The following GNAS variants were observed in gnomAD, a reference collection of about 807,000 sequenced individuals.
GNAS encodes the protein GNAS complex locus, also known as protein ALEX.
Under a neutral mutation model 54.5 loss-of-function variants are expected in GNAS, and 8 were observed. That is an observed-to-expected ratio of 0.15 (90% CI 0.09 to 0.26). GNAS has a LOEUF of 0.26. Ranked by LOEUF, GNAS falls within the 10% of genes least tolerant of loss-of-function variation. The pLI is 1.00. For missense variants in GNAS, 170 were observed against 529.8 expected (o/e 0.32, Z 6.67); for synonymous variants, 204 against 191.4 (o/e 1.07, Z -0.54).
At chr20:58,891,129 G>C (rs2089206956), upstream of GNAS, among the ~76,000 whole-genome samples, 8 of 148,842 alleles carry the variant, frequency 5.4e-5, no homozygotes, top group South Asian at 1.7e-3. Flanking sequence ...CCGAGCCCGG[G>C]GGGTGGGGGG....
chr20:58,911,166 A>AAAT lies in GNAS; in HGVS notation c.*340_*342dup, dbSNP rs1182917084. 1.8e-5 allele frequency: 9 copies of AAAT among 494,592 alleles called. No homozygotes were observed. The highest frequency in any genetic ancestry group is 3.4e-5 in the Non-Finnish European group (9 of 265,956). 30.6% of individuals were successfully genotyped at this position (494,592 alleles called of 1,614,324 possible). A position where few individuals can be genotyped will look rare whatever the true frequency, so the allele number is the denominator to read the frequency against. ...TGTTGTGCAGCATTAAAAAAAATCA[A>AAAT]AATAAAAATTAAATGTGAGCAAAGA... On this transcript the variant is annotated 3_prime_UTR_variant, in exon 13 of 13. Coordinates refer to ENST00000371085, the MANE Select transcript of GNAS (RefSeq NM_000516.7).
intron 3 of GNAS, chr20:58,900,197 A>G (rs2090480699): frequency 2.7e-5 from 15 of 562,356 alleles, no homozygotes; most frequent in Non-Finnish European, 4.7e-5. Context: ...CATCTCTATA[A>G]GAAATGACTA....
chr20:58,903,936 T>C (rs899846893), intron 5 of GNAS, 145 bp downstream of exon 5: 2 of 841,832 alleles, frequency 2.4e-6, no homozygotes, highest in African/African-American at 3.4e-5. Context: ...ATGTCCATCC[T>C]TAGGAAAAAG....
chr20:58,902,265 C>T (rs925816906), intron 3 of GNAS, among the ~76,000 whole-genome samples: 19 of 152,118 alleles, frequency 1.2e-4, no homozygotes, highest in African/African-American at 2.2e-4. Context: ...GGCTATAGAC[C>T]TGATGAGATA....
chr20:58,891,862 C>T lies in GNAS; in HGVS notation c.136C>T (p.Leu46=), dbSNP rs775009418. The change falls in exon 1 of 13, where the codon CTG becomes TTG. Residue 46 remains leucine (L), a synonymous_variant. Coordinates refer to ENST00000371085, the MANE Select transcript of GNAS (RefSeq NM_000516.7). ...CCGGGCCACGCACCGCCTGCTGCTG[C>T]TGGGTAAGGGCGGGCGGGGGGCGCC... is the stretch of plus-strand genomic sequence containing the variant. The part of the protein sequence containing the change: ...VYRATHRLLL[L]GAGESGKSTI... The T allele has an allele frequency of 2.7e-5, 33 of 1,222,996 alleles. No individual in the cohort carries two copies. Among genetic ancestry groups the T allele is most frequent in the Admixed American group, 2.1e-4 (9 of 43,160 alleles). The allele number at this position is 1,222,996 out of a possible 1,614,324, so 75.8% of individuals were successfully genotyped here.
intron 1 of GNAS, chr20:58,855,109 C>A: frequency 2.5e-6 from 4 of 1,613,690 alleles, no homozygotes; most frequent in Non-Finnish European, 3.4e-6. Context: ...CTCGTGCAAG[C>A]CTTCGGGGGC....
At chr20:58,896,355 G>A (rs1237906149) in intron 2 of GNAS, among the ~76,000 whole-genome samples, 1 of 152,122 alleles carries the variant, frequency 6.6e-6, no homozygotes, top group African/African-American at 2.4e-5. Context: ...TGGAAAGACT[G>A]GGAGTTAGGC....
intron 1 of GNAS, among the ~76,000 whole-genome samples, chr20:58,872,640 G>C (rs778065943): frequency 6.6e-6 from 1 of 151,914 alleles, no homozygotes; most frequent in Non-Finnish European, 1.5e-5. Flanking sequence ...GTTCATTAGA[G>C]AGGGAAGACA....
chr20:58,846,704 G>A (rs2085953082), intron 1 of GNAS, among the ~76,000 whole-genome samples: 1 of 152,184 alleles, frequency 6.6e-6, no homozygotes, highest in Admixed American at 6.5e-5. Context: ...GTGAGAGCTG[G>A]TTTCTGAGTG....
At chr20:58,902,641 T>C (rs565238143) in intron 3 of GNAS, among the ~76,000 whole-genome samples, 1 of 151,584 alleles carries the variant, frequency 6.6e-6, no homozygotes, top group Non-Finnish European at 1.5e-5. Flanking sequence ...TGATTCCTAT[T>C]GCACATGGAC....
Position 58,891,756 on chromosome 20 carries a change from G to C in GNAS, c.30G>C (p.Glu10Asp). 7.9e-7 allele frequency: 1 copy of C among 1,258,014 alleles called. No homozygotes were observed. The highest frequency in any genetic ancestry group is 1.0e-6 in the Non-Finnish European group (1 of 961,270). 77.9% of individuals were successfully genotyped at this position (1,258,014 alleles called of 1,614,324 possible). Residue 10 changes from glutamate to aspartate, a missense_variant, in exon 1 of 13, where the codon GAG (glutamate) becomes GAC (aspartate). Physicochemically the swap from Glu to Asp is conservative, Grantham distance 45. Around this residue, in one of 3 missense-constraint regions of GNAS, gnomAD observed 56 missense variants for 55.7 expected, o/e 1.01. Transcript: ENST00000371085. ...GCTGCCTCGGGAACAGTAAGACCGA[G>C]GACCAGCGCAACGAGGAGAAGGCGC... Reference protein sequence around the residue: MGCLGNSKTEDQRNEEKAQR... With the variant: MGCLGNSKTDDQRNEEKAQR...
chr20:58,891,751 A>C lies in GNAS; in HGVS notation c.25A>C (p.Thr9Pro). 1 of 1,250,834 alleles carries C rather than the reference A, an allele frequency of 8.0e-7. No homozygotes were observed. Among genetic ancestry groups the C allele is most frequent in the Non-Finnish European group, 1.0e-6 (1 of 957,550 alleles). The allele number at this position is 1,250,834 out of a possible 1,614,324, so 77.5% of individuals were successfully genotyped here. The change falls in exon 1 of 13, where the codon ACC (threonine) becomes CCC (proline). Residue 9 changes from threonine to proline, a missense_variant. Physicochemically the swap from Thr to Pro is conservative, Grantham distance 38. This residue lies in a region of GNAS where 56 missense variants were observed against 55.7 expected (regional missense o/e 1.01). Coordinates refer to ENST00000371085, the MANE Select transcript of GNAS (RefSeq NM_000516.7). MGCLGNSKTEDQRNEEKAQ... is the reference protein window; with the variant it reads MGCLGNSKPEDQRNEEKAQ... ...CATGGGCTGCCTCGGGAACAGTAAG[A>C]CCGAGGACCAGCGCAACGAGGAGAA...
intron 3 of GNAS, among the ~76,000 whole-genome samples, chr20:58,901,044 T>C (rs962553241): frequency 2.0e-5 from 3 of 152,216 alleles, no homozygotes; most frequent in African/African-American, 7.2e-5. Context: ...TTTCTGGAAA[T>C]ACTTTCTCTT....
At chr20:58,886,395 T>G (rs1312260446), upstream of GNAS, among the ~76,000 whole-genome samples, 1 of 152,150 alleles carries the variant, frequency 6.6e-6, no homozygotes, top group Non-Finnish European at 1.5e-5. Context: ...GAGCCAGAGA[T>G]CTGTGCTTTC....
chr20:58,840,306 C>G (rs200003575), upstream of GNAS: 1 of 1,612,744 alleles, frequency 6.2e-7, no homozygotes, highest in East Asian at 2.2e-5. The surrounding 1 kb of genome is among the most constrained non-coding windows in gnomAD (Gnocchi z 6.0). Flanking sequence ...TTCCTTAACG[C>G]CCACCACCGC....
chr20:58,841,786 G>A lies in GNAS; in HGVS notation c.43+900G>A, dbSNP rs1283635285. ...CCAAGCTTTTGGCGCAGCTGGTCGG[G>A]TGGCCAGGCTGCATGCGGCTTAGCA... is the stretch of plus-strand genomic sequence containing the variant. On this transcript the variant is annotated intron_variant, in intron 1 of 12. Coordinates refer to the GNAS transcript ENST00000306090. The surrounding 1 kb of genome is among the most constrained non-coding windows in gnomAD (Gnocchi z 5.0). 3 of 1,230,530 alleles carry A rather than the reference G, an allele frequency of 2.4e-6. No homozygotes were observed. The highest frequency in any genetic ancestry group is 3.2e-5 in the East Asian group (1 of 31,692). The allele number at this position is 1,230,530 out of a possible 1,614,324, so 76.2% of individuals were successfully genotyped here. A position where few individuals can be genotyped will look rare whatever the true frequency, so the allele number is the denominator to read the frequency against.
chr20:58,895,849 AC>A (rs1479258147), intron 2 of GNAS, among the ~76,000 whole-genome samples, 165 bp downstream of exon 2: 4 of 151,756 alleles, frequency 2.6e-5, no homozygotes, highest in African/African-American at 7.3e-5. Flanking sequence ...AGGGTCCCTC[AC>A]CCCCCACCCC....
chr20:58,859,866 C>T (rs2086691868), intron 1 of GNAS, among the ~76,000 whole-genome samples: 1 of 151,704 alleles, frequency 6.6e-6, no homozygotes, highest in South Asian at 2.1e-4. Flanking sequence ...CCTCGTGATC[C>T]GCCCGCCTCA....
upstream of GNAS, among the ~76,000 whole-genome samples, chr20:58,891,085 C>T (rs1227068265): frequency 1.6e-4 from 24 of 149,744 alleles, no homozygotes; most frequent in Middle Eastern, 6.9e-3. Flanking sequence ...GCGGAGACGC[C>T]CCCTCTCCCC....
Sources: gnomAD v4.1 joint callset for allele counts (sites outside exome capture counted in the v4.1 genomes callset) on GRCh38, gnomAD v4.1.1 for gene constraint, gnomAD v4.1.1 regional missense constraint, Gnocchi (gnomAD v3.1) non-coding constraint, MANE v1.5 for transcripts, NCBI Gene and HGNC (gene_info 2026-07-23, HGNC 2026-07-21) for gene names.